Variants in GYS2 observed in about 807,000 individuals in gnomAD.
GYS2 encodes the protein glycogen synthase 2, also known as glycogen [starch] synthase, liver.
GYS2 carries 80 observed loss-of-function variants against 85.6 expected under a neutral mutation model. That is an observed-to-expected ratio of 0.93 (90% CI 0.78 to 1.13). The LOEUF is 1.13. GYS2 is among the 50% of genes most tolerant of loss of function. The probability of loss-of-function intolerance (pLI) is 0.00; values close to 1 mark genes in which losing one functional copy is unlikely to be tolerated. For synonymous variants in GYS2, 328 were observed against 300.7 expected (o/e 1.09, Z -0.94); for missense variants, 881 against 854.9 (o/e 1.03, Z -0.38).
At chr12:21,589,772 C>T (rs1249943004) in intron 1 of GYS2, among the ~76,000 whole-genome samples, 2 of 152,092 alleles carry the variant, frequency 1.3e-5, no homozygotes, top group African/African-American at 2.4e-5. Context: ...AGGAACTGCC[C>T]AGCAATCGCA....
chr12:21,563,696 C>T (rs150416158), intron 5 of GYS2, among the ~76,000 whole-genome samples: 1 of 152,226 alleles, frequency 6.6e-6, no homozygotes, highest in Admixed American at 6.5e-5. Flanking sequence ...TAGAGTGTAA[C>T]TCAATCTCTT....
downstream of GYS2, among the ~76,000 whole-genome samples, chr12:21,533,291 G>C (rs1043296966): frequency 1.1e-4 from 17 of 152,188 alleles, no homozygotes; most frequent in African/African-American, 4.1e-4. Flanking sequence ...GTGTTCCTAA[G>C]AGAGGAGAGA....
intron 1 of GYS2, 93 bp downstream of exon 1, chr12:21,604,379 G>A: frequency 1.2e-6 from 1 of 818,632 alleles, no homozygotes; most frequent in Admixed American, 1.7e-5. Flanking sequence ...CTAGCAATTG[G>A]TTATCACTAG....
chr12:21,568,811 A>ATTTTGTG, intron 5 of GYS2, 54 bp downstream of exon 5: 1 of 1,505,200 alleles, frequency 6.6e-7, no homozygotes, highest in Non-Finnish European at 9.3e-7. Flanking sequence ...CAAAATCCTC[A>ATTTTGTG]TAGTGTAACA....
chr12:21,593,317 T>C (rs1944660010), intron 1 of GYS2, among the ~76,000 whole-genome samples: 1 of 142,644 alleles, frequency 7.0e-6, no homozygotes, highest in South Asian at 2.3e-4. Context: ...CAACAAGGGA[T>C]TAGCAAAATG....
rs193001769 is a variant in GYS2 at position 21,564,500 on chromosome 12, C to T, written c.824-1155G>A. Among the ~76,000 whole-genome samples the T allele has an allele frequency of 6.4e-4, 97 of 152,054 alleles. 1 individual carries two copies. The East Asian group carries it at 0.012, about 18-fold the overall frequency. On this transcript the variant is annotated intron_variant, in intron 5 of 15. Coordinates refer to ENST00000261195, the MANE Select transcript of GYS2 (RefSeq NM_021957.4). ...CTTGACATGGTTCCACAAAATCAAT[C>T]CAGGCTTTTTGGTCATTTTTTGTGG... is the stretch of plus-strand genomic sequence containing the variant.
At chr12:21,598,195 A>C (rs1323718783) in intron 1 of GYS2, among the ~76,000 whole-genome samples, 1 of 152,118 alleles carries the variant, frequency 6.6e-6, no homozygotes, top group Non-Finnish European at 1.5e-5. Context: ...TAGTAGAAGA[A>C]AGGTCTTGAA....
At chr12:21,549,214 T>C (rs1308049807) in intron 11 of GYS2, among the ~76,000 whole-genome samples, 1 of 152,202 alleles carries the variant, frequency 6.6e-6, no homozygotes, top group Non-Finnish European at 1.5e-5. Context: ...ACTACAGTTA[T>C]CACTGAGCTA....
At chr12:21,583,833 A>G (rs567263025) in intron 1 of GYS2, among the ~76,000 whole-genome samples, 9 of 152,328 alleles carry the variant, frequency 5.9e-5, no homozygotes, top group African/African-American at 2.2e-4. Context: ...GCATTGCATC[A>G]GCAAATGGAA....
At chr12:21,554,799 A>G (rs1944158279) in intron 11 of GYS2, among the ~76,000 whole-genome samples, 1 of 152,232 alleles carries the variant, frequency 6.6e-6, no homozygotes, top group Admixed American at 6.5e-5. Flanking sequence ...TGTAAGTGTT[A>G]CGTATGTTTA....
Position 21,536,933 on chromosome 12 carries a change from T to C in GYS2, c.*21A>G, listed in dbSNP as rs1943916433. The C allele has an allele frequency of 6.5e-7, 1 of 1,532,684 alleles. No individual in the cohort carries two copies. Among genetic ancestry groups the C allele is most frequent in the Admixed American group, 1.7e-5 (1 of 59,882 alleles). The allele number at this position is 1,532,684 out of a possible 1,614,324, so 94.9% of individuals were successfully genotyped here. On this transcript the variant is annotated 3_prime_UTR_variant, in exon 16 of 16. Coordinates refer to ENST00000261195, the MANE Select transcript of GYS2 (RefSeq NM_021957.4). Reference sequence around the variant, plus strand: ...TTACTTTGCTTTTTTAAATTAGCTCTTCATGCAGCACATGTAGAATTCAGT... The same window carrying C: ...TTACTTTGCTTTTTTAAATTAGCTCCTCATGCAGCACATGTAGAATTCAGT...
intron 1 of GYS2, among the ~76,000 whole-genome samples, chr12:21,582,326 C>A (rs1469980833): frequency 6.6e-6 from 1 of 152,132 alleles, no homozygotes; most frequent in Non-Finnish European, 1.5e-5. Context: ...TGGGCACCAT[C>A]TAATCAGTTG....
intron 1 of GYS2, among the ~76,000 whole-genome samples, chr12:21,603,045 A>T (rs1271203878): frequency 6.6e-6 from 1 of 152,094 alleles, no homozygotes; most frequent in Non-Finnish European, 1.5e-5. Flanking sequence ...CATGTGATAG[A>T]GATGGTTCTG....
intron 1 of GYS2, among the ~76,000 whole-genome samples, chr12:21,593,301 AAAC>A (rs147820115): frequency 1.3e-5 from 2 of 151,062 alleles, no homozygotes. Flanking sequence ...AAATAGAGAA[AAAC>A]AACAACAAGG....
chr12:21,541,033 G>A (rs1321028148), intron 13 of GYS2, among the ~76,000 whole-genome samples: 2 of 152,038 alleles, frequency 1.3e-5, no homozygotes, highest in East Asian at 1.9e-4. Context: ...AGCAGTTTGG[G>A]AGGCAGAGGT....
chr12:21,563,115 T>A lies in GYS2; in HGVS notation c.942-77A>T. The A allele has an allele frequency of 3.2e-6, 4 of 1,246,014 alleles. No homozygotes were observed. In the Middle Eastern group the frequency reaches 7.5e-4, roughly 233 times the overall value. The allele number at this position is 1,246,014 out of a possible 1,614,324, so 77.2% of individuals were successfully genotyped here. ...AAAATGTACACATGAATTCTGTTAATGTACAAAGGGGGCTGGGAAAGATAA... is the reference window on the plus strand; with the variant it reads ...AAAATGTACACATGAATTCTGTTAAAGTACAAAGGGGGCTGGGAAAGATAA... On this transcript the variant is annotated intron_variant, in intron 6 of 15. Coordinates refer to ENST00000261195, the MANE Select transcript of GYS2 (RefSeq NM_021957.4).
chr12:21,547,527 T>C (rs1944056192), intron 11 of GYS2, among the ~76,000 whole-genome samples: 1 of 152,194 alleles, frequency 6.6e-6, no homozygotes, highest in Admixed American at 6.5e-5. Context: ...CTGAAAATAC[T>C]ACATGATGTA....
intron 1 of GYS2, among the ~76,000 whole-genome samples, chr12:21,601,546 C>G (rs1319586572): frequency 6.6e-6 from 1 of 152,136 alleles, no homozygotes; most frequent in Non-Finnish European, 1.5e-5. Context: ...AACGCTTTCT[C>G]CCCTTTAGCT....
At chr12:21,541,162 G>T (rs966846647) in intron 13 of GYS2, among the ~76,000 whole-genome samples, 2 of 151,118 alleles carry the variant, frequency 1.3e-5, no homozygotes, top group African/African-American at 4.9e-5. Context: ...CAGCTACTCG[G>T]GAGGTTGGGG....
Sources: allele counts gnomAD v4.1 joint callset (sites outside exome capture counted in the v4.1 genomes callset), GRCh38; gene constraint gnomAD v4.1.1; transcripts MANE v1.5; gene names NCBI Gene and HGNC (gene_info 2026-07-23, HGNC 2026-07-21).